ST6GAL1: variants seen among roughly 807,000 people sequenced by gnomAD.
ST6GAL1 encodes ST6 beta-galactoside alpha-2,6-sialyltransferase 1.
A neutral mutation model predicts 38.0 loss-of-function variants in ST6GAL1; 20 were observed. That is an observed-to-expected ratio of 0.53 (90% CI 0.37 to 0.77). The LOEUF is 0.77. Ranked by LOEUF, ST6GAL1 falls within the 30% of genes least tolerant of loss-of-function variation. The pLI is 0.00. For missense variants in ST6GAL1, 432 were observed against 496.4 expected, an observed-to-expected ratio of 0.87 and a Z score of 1.23; for synonymous variants, 196 against 188.2, an observed-to-expected ratio of 1.04 and a Z score of -0.34.
intron 2 of ST6GAL1, among the ~76,000 whole-genome samples, chr3:186,991,399 G>C (rs905806289): frequency 6.6e-6 from 1 of 152,092 alleles, no homozygotes; most frequent in Non-Finnish European, 1.5e-5. Flanking sequence ...GCTGTCTTGG[G>C]GTCTGTACAG....
At chr3:187,024,099 T>C (rs1011403225) in intron 2 of ST6GAL1, among the ~76,000 whole-genome samples, 1 of 151,396 alleles carries the variant, frequency 6.6e-6, no homozygotes, top group Non-Finnish European at 1.5e-5. Flanking sequence ...GTTTTGCTTG[T>C]TTGTTTGTTT....
intron 2 of ST6GAL1, among the ~76,000 whole-genome samples, chr3:187,007,770 C>T (rs752320775): frequency 6.6e-6 from 1 of 152,164 alleles, no homozygotes; most frequent in Non-Finnish European, 1.5e-5. Flanking sequence ...GTAGGTATGA[C>T]CATTCTCCAC....
In ST6GAL1 at chr3:187,033,796, C is replaced by G. The variant is rs1443207339; in HGVS notation, c.-182-4946C>G. 1.8e-4 allele frequency among the ~76,000 whole-genome samples: 28 copies of G among 152,078 alleles called. 1 individual carries two copies. The highest frequency in any genetic ancestry group is 1.8e-3 in the Admixed American group (28 of 15,270). The stretch of plus-strand genomic sequence containing the variant: ...TAGGAAAGTTTGTAGTGCTTAACAT[C>G]TACTTCAAAAAGTTAGAAAGATCTC... On this transcript the variant is annotated intron_variant, in intron 2 of 7. Transcript: ENST00000169298.
At chr3:187,025,017 G>GTGTGTC (rs1487726546) in intron 2 of ST6GAL1, among the ~76,000 whole-genome samples, 1 of 151,472 alleles carries the variant, frequency 6.6e-6, no homozygotes, top group Admixed American at 6.6e-5. Flanking sequence ...GTGTGTGTGT[G>GTGTGTC]TGTCTGTGTG....
intron 5 of ST6GAL1, among the ~76,000 whole-genome samples, chr3:187,059,591 C>G (rs1375484449): frequency 6.6e-6 from 1 of 152,190 alleles, no homozygotes; most frequent in Non-Finnish European, 1.5e-5. Context: ...AAATCCAGCT[C>G]TGTCTCTTAC....
intron 2 of ST6GAL1, among the ~76,000 whole-genome samples, chr3:186,980,556 G>A (rs966737860): frequency 2.1e-5 from 3 of 143,652 alleles, no homozygotes; most frequent in Admixed American, 7.3e-5. Flanking sequence ...TCAAGAGATC[G>A]AGACCATCCT....
chr3:187,076,839 C>T lies in ST6GAL1; in HGVS notation c.*1036C>T, dbSNP rs1347548170. 2 of 398,928 alleles carry T rather than the reference C, an allele frequency of 5.0e-6. No individual in the cohort carries two copies. Among genetic ancestry groups the T allele is most frequent in the African/African-American group, 4.1e-5 (2 of 48,618 alleles). The allele number at this position is 398,928 out of a possible 1,614,324, so 24.7% of individuals were successfully genotyped here. ...AGCAAGTGCAGCCTCACGACAGATA[C>T]CAGGCAATCCAGAGCCACAAAACGT... is the stretch of plus-strand genomic sequence containing the variant. On this transcript the variant is annotated 3_prime_UTR_variant, in exon 8 of 8. Transcript: ENST00000169298.
chr3:186,999,442 C>G (rs1203835226), intron 2 of ST6GAL1, among the ~76,000 whole-genome samples: 1 of 144,912 alleles, frequency 6.9e-6, no homozygotes, highest in Non-Finnish European at 1.5e-5. Flanking sequence ...GACGGAGTCT[C>G]ACTCCGTAGC....
chr3:187,071,037 G>T (rs1014064902), intron 5 of ST6GAL1, among the ~76,000 whole-genome samples: 1 of 152,182 alleles, frequency 6.6e-6, no homozygotes, highest in Non-Finnish European at 1.5e-5. Context: ...GTAGAGGCTC[G>T]TGGCAGATTG....
intron 2 of ST6GAL1, chr3:186,986,417 A>G (rs1715923924): frequency 6.5e-6 from 1 of 152,738 alleles, no homozygotes. Context: ...TAAATACTAT[A>G]GAATTTAGAC....
intron 1 of ST6GAL1, among the ~76,000 whole-genome samples, chr3:186,931,894 A>G (rs35102841): frequency 0.1 from 15,964 of 152,214 alleles, 907 homozygotes; most frequent in Non-Finnish European, 0.12. Context: ...GGAAAAAGAG[A>G]ACTCTTGTTT....
chr3:187,034,464 G>A (rs376590065), intron 2 of ST6GAL1, among the ~76,000 whole-genome samples: 2 of 151,992 alleles, frequency 1.3e-5, no homozygotes, highest in South Asian at 2.1e-4. Flanking sequence ...AAAGAAAACC[G>A]CAGGCCAATA....
chr3:187,073,945 A>G (rs1456272208), intron 6 of ST6GAL1: 4 of 399,318 alleles, frequency 1.0e-5, no homozygotes, highest in Non-Finnish European at 1.7e-5. Flanking sequence ...CTCTCCCCCA[A>G]AGCACAGGCT....
intron 2 of ST6GAL1, among the ~76,000 whole-genome samples, chr3:187,004,079 A>G (rs3864109): frequency 0.52 from 78,828 of 151,962 alleles, 20,634 homozygotes; most frequent in African/African-American, 0.55. Flanking sequence ...GTGAGTTCTC[A>G]TGAGATCTGG....
chr3:187,074,438 A>G (rs543747331), intron 7 of ST6GAL1, 105 bp downstream of exon 7: 1 of 1,271,942 alleles, frequency 7.9e-7, no homozygotes, highest in African/African-American at 1.5e-5. Context: ...TGTTCACTAA[A>G]CAATTGCTAG....
intron 5 of ST6GAL1, among the ~76,000 whole-genome samples, chr3:187,062,606 A>ACACACACACACACACACACAC (rs1553835854): frequency 6.6e-6 from 1 of 150,774 alleles, no homozygotes; most frequent in Non-Finnish European, 1.5e-5. Flanking sequence ...ACACACACAC[A>ACACACACACACACACACACAC]AAATACTATA....
At chr3:187,035,386 G>A (rs186447804) in intron 2 of ST6GAL1, among the ~76,000 whole-genome samples, 218 of 152,216 alleles carry the variant, frequency 1.4e-3, no homozygotes, top group African/African-American at 5.1e-3. Context: ...ATTTTTCACA[G>A]AACTAGAAAA....
intron 2 of ST6GAL1, among the ~76,000 whole-genome samples, chr3:186,997,607 A>G (rs2108550433): frequency 6.6e-6 from 1 of 151,732 alleles, no homozygotes; most frequent in Non-Finnish European, 1.5e-5. Context: ...AATAAAAAAA[A>G]ATAGCCAGGT....
intron 5 of ST6GAL1, chr3:187,071,984 T>C (rs1286247449): frequency 6.6e-6 from 1 of 152,174 alleles, no homozygotes; most frequent in Non-Finnish European, 1.5e-5. Context: ...ATTTGAATTT[T>C]TTCTTAGGAT....
Sources: allele counts gnomAD v4.1 joint callset (sites outside exome capture counted in the v4.1 genomes callset), GRCh38; gene constraint gnomAD v4.1.1; transcripts MANE v1.5; gene names NCBI Gene and HGNC (gene_info 2026-07-23, HGNC 2026-07-21).